Variants in CLYBL observed in about 807,000 individuals in gnomAD.
CLYBL encodes citramalyl-CoA lyase.
Under a neutral mutation model 38.9 loss-of-function variants are expected in CLYBL, and 31 were observed. The observed-to-expected ratio is 0.80, with a 90% CI of 0.60 to 1.08. The LOEUF is 1.08. Ranked by LOEUF, CLYBL falls within the 50% of genes least tolerant of loss-of-function variation. The pLI is 0.00. For synonymous variants in CLYBL, 171 were observed against 158.6 expected, an observed-to-expected ratio of 1.08 and a Z score of -0.59; for missense variants, 434 against 411.6, an observed-to-expected ratio of 1.05 and a Z score of -0.47.
At chr13:99,618,368 C>G (rs1163598958) in intron 1 of CLYBL, among the ~76,000 whole-genome samples, 1 of 151,962 alleles carries the variant, frequency 6.6e-6, no homozygotes, top group Non-Finnish European at 1.5e-5. Flanking sequence ...CTCCTGGGTT[C>G]AAGCAACTCT....
At position 99,866,228 on chromosome 13, in the gene CLYBL, T is replaced by A. The variant is rs776880706; in HGVS notation, c.635-12T>A. The A allele has an allele frequency of 8.7e-6, 14 of 1,612,464 alleles. No individual in the cohort carries two copies. The South Asian group carries it at 1.5e-4, about 18-fold the overall frequency. On this transcript the variant is annotated splice_polypyrimidine_tract_variant and intron_variant, in intron 5 of 8. Coordinates refer to ENST00000339105, the MANE Select transcript of CLYBL (RefSeq NM_206808.5). ...TTAAAGCCTCCTTTTTCTGTTAACA[T>A]CCCATTTTCAGGTGCAACAAGTAGT...
intron 2 of CLYBL, among the ~76,000 whole-genome samples, chr13:99,829,188 G>A (rs2050756335): frequency 6.6e-6 from 1 of 152,176 alleles, no homozygotes; most frequent in Admixed American, 6.5e-5. Context: ...TTCACCCAAG[G>A]CTCCAGGTCA....
chr13:99,850,013 A>G (rs2051295203), intron 2 of CLYBL, among the ~76,000 whole-genome samples: 1 of 152,232 alleles, frequency 6.6e-6, no homozygotes, highest in Non-Finnish European at 1.5e-5. Context: ...TGTATTAAAG[A>G]CCTAAATGTT....
intron 2 of CLYBL, among the ~76,000 whole-genome samples, chr13:99,818,618 G>A (rs116912626): frequency 0.018 from 2,702 of 152,290 alleles, 51 homozygotes; most frequent in Admixed American, 0.055. Context: ...AATGTGTTGC[G>A]AAGTCATTTT....
intron 1 of CLYBL, among the ~76,000 whole-genome samples, chr13:99,688,670 G>A: frequency 6.6e-6 from 1 of 151,330 alleles, no homozygotes; most frequent in Non-Finnish European, 1.5e-5. Context: ...ATGAGAGGGT[G>A]GTGACATGAA....
intron 2 of CLYBL, among the ~76,000 whole-genome samples, chr13:99,814,673 A>T (rs2050407527): frequency 6.6e-6 from 1 of 151,792 alleles, no homozygotes; most frequent in African/African-American, 2.4e-5. Flanking sequence ...GGCTGCAGTA[A>T]ACTGTGAGCA....
intron 1 of CLYBL, 110 bp from the exon 2 acceptor site, chr13:99,772,710 TAAAA>T: frequency 2.2e-6 from 2 of 923,224 alleles, no homozygotes; most frequent in South Asian, 3.5e-5. Flanking sequence ...AAAATAAAAA[TAAAA>T]AAAGATTATC....
chr13:99,687,225 C>T (rs2047831239), intron 1 of CLYBL, among the ~76,000 whole-genome samples: 1 of 152,176 alleles, frequency 6.6e-6, no homozygotes, highest in Admixed American at 6.5e-5. Context: ...AGGCAGGTAA[C>T]GATTTCCTGG....
chr13:99,680,398 T>G (rs1025440975), intron 1 of CLYBL, among the ~76,000 whole-genome samples: 9 of 152,232 alleles, frequency 5.9e-5, no homozygotes, highest in Non-Finnish European at 1.2e-4. Flanking sequence ...ATGGCATTCA[T>G]AAGGTTAGGA....
intron 1 of CLYBL, among the ~76,000 whole-genome samples, chr13:99,734,600 C>T (rs2793746): frequency 2.0e-5 from 3 of 152,044 alleles, no homozygotes; most frequent in African/African-American, 7.2e-5. Flanking sequence ...ATTTGATAGT[C>T]GAGGCCTTCA....
chr13:99,755,124 C>T (rs1317992175), intron 1 of CLYBL, among the ~76,000 whole-genome samples: 8 of 152,134 alleles, frequency 5.3e-5, no homozygotes, highest in Non-Finnish European at 1.0e-4. Context: ...GTCTCGCTCT[C>T]CTGACCTCGT....
chr13:99,904,018 C>T (rs2052668446), intron 8 of CLYBL, among the ~76,000 whole-genome samples: 2 of 150,880 alleles, frequency 1.3e-5, no homozygotes, highest in African/African-American at 2.5e-5. Context: ...GCACTCCAGC[C>T]TGGATGACAG....
Position 99,891,736 on chromosome 13 carries a change from C to T in CLYBL, c.*24+299C>T, listed in dbSNP as rs2052495648. On this transcript the variant is annotated intron_variant, in intron 8 of 8. Transcript: ENST00000339105. Reference sequence around the variant, plus strand: ...AAGGTAGGTCTTTAATGAAATGGATCTTTCCCAAATAGACATATTCCCTCC... The same window carrying T: ...AAGGTAGGTCTTTAATGAAATGGATTTTTCCCAAATAGACATATTCCCTCC... 6 of 231,654 alleles carry T rather than the reference C, an allele frequency of 2.6e-5. No individual in the cohort carries two copies. The South Asian group carries it at 4.5e-4, about 17-fold the overall frequency. The allele number at this position is 231,654 out of a possible 1,614,324, so 14.3% of individuals were successfully genotyped here.
intron 1 of CLYBL, among the ~76,000 whole-genome samples, chr13:99,683,530 T>C (rs1244624089): frequency 6.6e-6 from 1 of 152,126 alleles, no homozygotes; most frequent in East Asian, 1.9e-4. Context: ...TTGAACTTTT[T>C]GTTAAAAGCA....
intron 1 of CLYBL, among the ~76,000 whole-genome samples, chr13:99,610,627 A>C (rs145738065): frequency 6.6e-6 from 1 of 152,324 alleles, no homozygotes; most frequent in East Asian, 1.9e-4. Context: ...TGTGTGTGTC[A>C]GGACATGTCT....
In CLYBL at chr13:99,870,931, C is replaced by A. The variant is rs1476180458; in HGVS notation, c.803-7C>A. 3 of 1,593,398 alleles carry A rather than the reference C, an allele frequency of 1.9e-6. No individual in the cohort carries two copies. The highest frequency in any genetic ancestry group is 2.6e-6 in the Non-Finnish European group (3 of 1,172,552). On this transcript the variant is annotated splice_region_variant and splice_polypyrimidine_tract_variant and intron_variant, in intron 6 of 8. Coordinates refer to ENST00000339105, the MANE Select transcript of CLYBL (RefSeq NM_206808.5). ...TCGTGGTTCCGATGTTATTAATATT[C>A]TTGTAGGTAAGCAGGTGATTCACCC...
intron 1 of CLYBL, among the ~76,000 whole-genome samples, chr13:99,653,242 G>C (rs9554625): frequency 0.25 from 38,562 of 152,098 alleles, 6,000 homozygotes; most frequent in East Asian, 0.58. Flanking sequence ...AGCACTAGGA[G>C]CACCTGTGGA....
chr13:99,743,947 C>CT (rs977075373), intron 1 of CLYBL, among the ~76,000 whole-genome samples: 4 of 121,784 alleles, frequency 3.3e-5, no homozygotes, highest in Non-Finnish European at 7.1e-5. Flanking sequence ...ACTCCACTTT[C>CT]TTTTTTTTTC....
intron 2 of CLYBL, among the ~76,000 whole-genome samples, chr13:99,798,953 G>T (rs2050075428): frequency 6.6e-6 from 1 of 152,188 alleles, no homozygotes; most frequent in Non-Finnish European, 1.5e-5. Context: ...ACATAACCCA[G>T]GAAGGGACTC....
Sources: allele counts gnomAD v4.1 joint callset (sites outside exome capture counted in the v4.1 genomes callset), GRCh38; gene constraint gnomAD v4.1.1; transcripts MANE v1.5; gene names NCBI Gene and HGNC (gene_info 2026-07-23, HGNC 2026-07-21).